The following CERKL variants were observed in gnomAD, a reference collection of about 807,000 sequenced individuals.
The protein encoded by CERKL is ceramide kinase-like protein.
In CERKL, 61 loss-of-function variants were observed where a neutral mutation model predicts 63.4. The ratio of observed to expected loss-of-function variants is 0.96; its 90% CI spans 0.78 to 1.19. CERKL has a LOEUF of 1.19. Ranked by LOEUF, CERKL falls within the 50% of genes most tolerant of loss-of-function variation. CERKL has a pLI of 0.00. For missense variants in CERKL, 675 were observed against 655.5 expected (o/e 1.03, Z -0.33); for synonymous variants, 250 against 230.5 (o/e 1.08, Z -0.77).
At chr2:181,551,482 C>T (rs1306542875) in intron 5 of CERKL, among the ~76,000 whole-genome samples, 1 of 151,794 alleles carries the variant, frequency 6.6e-6, no homozygotes, top group African/African-American at 2.4e-5. Context: ...AAAAAAATTC[C>T]ATCAAAAAGT....
chr2:181,555,997 C>T (rs1404205538), intron 5 of CERKL, among the ~76,000 whole-genome samples: 3 of 151,960 alleles, frequency 2.0e-5, no homozygotes, highest in African/African-American at 7.2e-5. Context: ...AGGTGATCCA[C>T]TACCTCGGCC....
In CERKL at chr2:181,548,462, T is replaced by C. The variant is rs538641324; in HGVS notation, c.1133+83A>G. 6.7e-6 allele frequency: 7 copies of C among 1,039,726 alleles called. No homozygotes were observed. In the African/African-American group the frequency reaches 9.5e-5, roughly 14 times the overall value. The allele number at this position is 1,039,726 out of a possible 1,614,324, so 64.4% of individuals were successfully genotyped here. On this transcript the variant is annotated intron_variant, in intron 8 of 12. Transcript: ENST00000410087. The stretch of plus-strand genomic sequence containing the variant: ...ACTATGTTAGAAAAATAACCAAAGA[T>C]CCTAAGTCTGATCAATTGTTTGTCA...
chr2:181,538,043 G>GT lies in CERKL; in HGVS notation c.*140_*141insA. 1.4e-6 allele frequency: 1 copy of GT among 701,166 alleles called. No homozygotes were observed. Among genetic ancestry groups the GT allele is most frequent in the Non-Finnish European group, 2.7e-6 (1 of 375,598 alleles). The allele number at this position is 701,166 out of a possible 1,614,324, so 43.4% of individuals were successfully genotyped here. A position where few individuals can be genotyped will look rare whatever the true frequency, so the allele number is the denominator to read the frequency against. On this transcript the variant is annotated 3_prime_UTR_variant, in exon 13 of 13. Transcript: ENST00000410087. ...GATCTGAGGTGGAACAGTTCATCCT[G>GT]AAACCATTCCCCCATCCACGGAAAA...
At chr2:181,540,598 T>G (rs1687459450) in intron 11 of CERKL, among the ~76,000 whole-genome samples, 1 of 152,100 alleles carries the variant, frequency 6.6e-6, no homozygotes, top group Non-Finnish European at 1.5e-5. Flanking sequence ...CCAAGGAATG[T>G]CAAGAATTGA....
At position 181,558,993 on chromosome 2, in the gene CERKL, C is replaced by T. The variant is rs547886380; in HGVS notation, c.678-285G>A. 2.6e-5 allele frequency among the ~76,000 whole-genome samples: 4 copies of T among 152,190 alleles called. No individual in the cohort carries two copies. The East Asian group carries it at 7.7e-4, about 29-fold the overall frequency. On this transcript the variant is annotated intron_variant, in intron 4 of 12. Coordinates refer to ENST00000410087, the MANE Select transcript of CERKL (RefSeq NM_201548.5). The surrounding 1 kb of genome is among the most constrained non-coding windows in gnomAD (Gnocchi z 4.2). Reference sequence around the variant, plus strand: ...TTGAACATGTTAATTCACATCTGACCAGCGTTTTGCTCTGTTAACATCCAA... The same window carrying T: ...TTGAACATGTTAATTCACATCTGACTAGCGTTTTGCTCTGTTAACATCCAA...
Position 181,550,237 on chromosome 2 carries a change from T to C in CERKL, c.821-529A>G, listed in dbSNP as rs1281925706. On this transcript the variant is annotated intron_variant, in intron 5 of 12. Transcript: ENST00000410087. The surrounding 1 kb of genome is among the most constrained non-coding windows in gnomAD (Gnocchi z 4.5). ...CTTAGCCAAATGAGAATCCCCTCTG[T>C]TATCTGACAAATGTCTCCTACATTG... Among the ~76,000 whole-genome samples, 1 of 152,238 alleles carries C rather than the reference T, an allele frequency of 6.6e-6. No individual in the cohort carries two copies. Among genetic ancestry groups the C allele is most frequent in the Non-Finnish European group, 1.5e-5 (1 of 68,038 alleles).
At chr2:181,618,103 C>T (rs1481884412) in intron 1 of CERKL, among the ~76,000 whole-genome samples, 1 of 151,898 alleles carries the variant, frequency 6.6e-6, no homozygotes, top group East Asian at 1.9e-4. Context: ...GAATGATAGA[C>T]AAAGGAGACT....
chr2:181,570,781 A>G (rs1296072485), intron 3 of CERKL, among the ~76,000 whole-genome samples: 1 of 152,208 alleles, frequency 6.6e-6, no homozygotes, highest in Non-Finnish European at 1.5e-5. Flanking sequence ...ACAGTACCTT[A>G]TAGTGTATAT....
chr2:181,613,547 T>C (rs903763886), intron 1 of CERKL, among the ~76,000 whole-genome samples: 1 of 152,222 alleles, frequency 6.6e-6, no homozygotes, highest in African/African-American at 2.4e-5. Flanking sequence ...TTCACACGAA[T>C]GGTCTTTTTG....
intron 11 of CERKL, 101 bp downstream of exon 11, chr2:181,544,599 A>G: frequency 1.4e-6 from 1 of 697,756 alleles, no homozygotes; most frequent in Non-Finnish European, 2.5e-6. Flanking sequence ...AGAAGAAAAT[A>G]AAACCTTCTT....
chr2:181,584,351 A>G (rs1377171939), intron 2 of CERKL, among the ~76,000 whole-genome samples: 3 of 89,054 alleles, frequency 3.4e-5, no homozygotes, highest in Admixed American at 2.3e-4. Context: ...GTCTCTACAG[A>G]AAAAAAAAAA....
rs564752461 is a variant in CERKL at position 181,650,952 on chromosome 2, C to T, written c.238+5817G>A. On this transcript the variant is annotated intron_variant, in intron 1 of 12. Coordinates refer to ENST00000410087, the MANE Select transcript of CERKL (RefSeq NM_201548.5). ...TGATAACATAGAAAAAACGAAGTCCCCGACACATACAACCTATCAAGATTA... is the reference window on the plus strand; with the variant it reads ...TGATAACATAGAAAAAACGAAGTCCTCGACACATACAACCTATCAAGATTA... Among the ~76,000 whole-genome samples the T allele has an allele frequency of 1.0e-3, 152 of 152,168 alleles. 1 individual carries two copies. The highest frequency in any genetic ancestry group is 3.2e-3 in the African/African-American group (132 of 41,524).
chr2:181,585,635 C>T (rs533667477), intron 2 of CERKL, among the ~76,000 whole-genome samples: 2 of 152,264 alleles, frequency 1.3e-5, no homozygotes, highest in East Asian at 3.9e-4. Flanking sequence ...AAAAGCAATT[C>T]AGTCTCTATC....
chr2:181,609,701 CTAAATAAA>C (rs552448585), intron 1 of CERKL, among the ~76,000 whole-genome samples: 1 of 151,382 alleles, frequency 6.6e-6, no homozygotes, highest in African/African-American at 2.4e-5. Context: ...AACTCTGTCT[CTAAATAAA>C]TAAATAAATA....
chr2:181,651,277 T>C (rs141868227), intron 1 of CERKL, among the ~76,000 whole-genome samples: 177 of 152,292 alleles, frequency 1.2e-3, no homozygotes, highest in African/African-American at 4.1e-3. Context: ...ATTCTCAAGA[T>C]ATTAGCAAAC....
chr2:181,584,269 T>A (rs1684663898), intron 2 of CERKL, among the ~76,000 whole-genome samples: 1 of 152,032 alleles, frequency 6.6e-6, no homozygotes, highest in Non-Finnish European at 1.5e-5. Context: ...CCCAGCACTT[T>A]GAGAGGCTGA....
chr2:181,602,852 G>T (rs1294684760), intron 2 of CERKL, among the ~76,000 whole-genome samples: 2 of 151,958 alleles, frequency 1.3e-5, no homozygotes, highest in African/African-American at 4.8e-5. Context: ...CAAACAAGAA[G>T]AAATGAATTA....
chr2:181,643,431 G>A (rs1452568427), intron 1 of CERKL, among the ~76,000 whole-genome samples: 1 of 152,200 alleles, frequency 6.6e-6, no homozygotes, highest in Non-Finnish European at 1.5e-5. Flanking sequence ...CTGGAGGAGG[G>A]AAGCTATAAA....
At chr2:181,595,379 A>G (rs1685161515) in intron 2 of CERKL, among the ~76,000 whole-genome samples, 1 of 104,962 alleles carries the variant, frequency 9.5e-6, no homozygotes, top group Admixed American at 9.3e-5. Flanking sequence ...CCCTGCTTCA[A>G]GAGTTTGGAG....
Sources: gnomAD v4.1 joint callset for allele counts (sites outside exome capture counted in the v4.1 genomes callset) on GRCh38, gnomAD v4.1.1 for gene constraint, Gnocchi (gnomAD v3.1) non-coding constraint, MANE v1.5 for transcripts, NCBI Gene and HGNC (gene_info 2026-07-23, HGNC 2026-07-21) for gene names.